The following NOL6 variants were observed in gnomAD, a reference collection of about 807,000 sequenced individuals.
NOL6 encodes nucleolar protein 6.
Under a neutral mutation model 131.7 loss-of-function variants are expected in NOL6, and 33 were observed. The observed-to-expected ratio is 0.25, with a 90% CI of 0.19 to 0.33. The LOEUF (loss-of-function observed/expected upper bound fraction) is 0.33. Ranked by LOEUF, NOL6 falls within the 10% of genes least tolerant of loss-of-function variation. NOL6 has a pLI of 1.00. For synonymous variants in NOL6, 580 were observed against 605.7 expected (o/e 0.96, Z 0.62); for missense variants, 1,297 against 1,494.5 (o/e 0.87, Z 2.18).
At chr9:33,470,302 A>G (rs1827374543) in intron 3 of NOL6, 111 bp from the exon 4 acceptor site, 2 of 964,462 alleles carry the variant, frequency 2.1e-6, no homozygotes, top group East Asian at 3.1e-5. Context: ...CAAACTCCCA[A>G]TCTTCCCATA....
At chr9:33,469,462 C>T in intron 5 of NOL6, 37 bp downstream of exon 5, 1 of 1,592,362 alleles carries the variant, frequency 6.3e-7, no homozygotes, top group Non-Finnish European at 8.6e-7. Flanking sequence ...GATTTACCAT[C>T]CCATGCTATG....
At position 33,467,061 on chromosome 9, in the gene NOL6, G is replaced by A; in HGVS notation, c.1874+53C>T. 1 of 1,613,184 alleles carries A rather than the reference G, an allele frequency of 6.2e-7. No homozygotes were observed. The highest frequency in any genetic ancestry group is 8.5e-7 in the Non-Finnish European group (1 of 1,179,234). ...GCTCAACTGCCTGGGCCAGACCCCT[G>A]AAAAGGCTCCCCAGCCCACACTGCC... On this transcript the variant is annotated intron_variant, in intron 14 of 25. Transcript: ENST00000297990. The surrounding 1 kb of genome is among the most constrained non-coding windows in gnomAD (Gnocchi z 4.4).
chr9:33,469,886 A>C, intron 4 of NOL6, 126 bp downstream of exon 4: 1 of 1,115,012 alleles, frequency 9.0e-7, no homozygotes, highest in Non-Finnish European at 1.3e-6. Flanking sequence ...GATGCCTGCA[A>C]TGGTCTGCTC....
In NOL6 at chr9:33,467,512, T is replaced by C. The variant is rs928614400; in HGVS notation, c.1607A>G (p.Asp536Gly). 26 of 1,613,990 alleles carry C rather than the reference T, an allele frequency of 1.6e-5. No individual in the cohort carries two copies. The highest frequency in any genetic ancestry group is 2.2e-5 in the Non-Finnish European group (26 of 1,179,996). Reference protein sequence around the residue: ...AHSRPPVPEWDISQDPPKHKD... With the variant: ...AHSRPPVPEWGISQDPPKHKD... Reference sequence around the variant, plus strand: ...GTGCTTTGGTGGATCTTGGCTGATGTCCCACTGCAGGATTTCAAAAGGCTG... The same window carrying C: ...GTGCTTTGGTGGATCTTGGCTGATGCCCCACTGCAGGATTTCAAAAGGCTG... The change falls in exon 13 of 26, where the codon GAC becomes GGC. Residue 536 changes from aspartate (D) to glycine (G), a missense_variant. Transcript: ENST00000297990. The surrounding 1 kb of genome is among the most constrained non-coding windows in gnomAD (Gnocchi z 4.4).
chr9:33,466,014 C>A, intron 18 of NOL6, 57 bp downstream of exon 18: 1 of 1,559,002 alleles, frequency 6.4e-7, no homozygotes, highest in Non-Finnish European at 8.7e-7. Flanking sequence ...TCTTCCACGC[C>A]CTGACATCCC....
Position 33,465,651 on chromosome 9 carries a change from C to T in NOL6, c.2528+83G>A, listed in dbSNP as rs1281786580. On this transcript the variant is annotated intron_variant, in intron 19 of 25. Coordinates refer to ENST00000297990, the MANE Select transcript of NOL6 (RefSeq NM_022917.5). ...CCCCTAACTATGATACCATCTGGCC[C>T]CTGGAGAGACAGGTGGCTAGGTGAG... is the stretch of plus-strand genomic sequence containing the variant. 2.1e-6 allele frequency: 3 copies of T among 1,441,366 alleles called. No individual in the cohort carries two copies. The African/African-American group carries it at 4.2e-5, about 20-fold the overall frequency. 89.3% of individuals were successfully genotyped at this position (1,441,366 alleles called of 1,614,324 possible).
At position 33,463,976 on chromosome 9, in the gene NOL6, C is replaced by A. The variant is rs1827170407; in HGVS notation, c.2905-56G>T. 4 of 1,613,184 alleles carry A rather than the reference C, an allele frequency of 2.5e-6. No homozygotes were observed. In the African/African-American group the frequency reaches 5.3e-5, roughly 22 times the overall value. The stretch of plus-strand genomic sequence containing the variant: ...TGAAGTGGGTCTCTCCCAGGTCAGG[C>A]TGGGCCTGCTTTTTCCTTGGGAAGA... On this transcript the variant is annotated intron_variant, in intron 22 of 25. Coordinates refer to ENST00000297990, the MANE Select transcript of NOL6 (RefSeq NM_022917.5).
Position 33,466,386 on chromosome 9 carries a change from A to C in NOL6, c.2131T>G (p.Tyr711Asp), listed in dbSNP as rs775183281. Residue 711 changes from tyrosine to aspartate, a missense_variant, in exon 17 of 26, where the codon TAT becomes GAT. Transcript: ENST00000297990. ...GAGGACCGCTCCCGCAGAGTCTCAT[A>C]GAAGGAGAAGGCTGGACGGACTGGA... is the stretch of plus-strand genomic sequence containing the variant. ...PTPVRPAFSF[Y>D]ETLRERSSLL... 2.7e-5 allele frequency: 44 copies of C among 1,614,090 alleles called. No individual in the cohort carries two copies. Among genetic ancestry groups the C allele is most frequent in the Non-Finnish European group, 3.6e-5 (42 of 1,180,034 alleles).
intron 15 of NOL6, 49 bp downstream of exon 15, chr9:33,466,863 C>G (rs777274766): frequency 1.9e-6 from 3 of 1,593,828 alleles, no homozygotes; most frequent in Admixed American, 1.7e-5. Flanking sequence ...ACTCTCTCCC[C>G]GCAGATTGAT....
At position 33,467,916 on chromosome 9, in the gene NOL6, C is replaced by A; in HGVS notation, c.1425-48G>T. On this transcript the variant is annotated intron_variant, in intron 11 of 25. Coordinates refer to ENST00000297990, the MANE Select transcript of NOL6 (RefSeq NM_022917.5). This position sits in a 1 kb window ranked among gnomAD's most constrained non-coding sequence, Gnocchi z 4.4. ...AGAGGGGTAATCAGGTTGCTGGCCC[C>A]TAGTACCACCTCCTCCCTGAATGAT... 6.3e-7 allele frequency: 1 copy of A among 1,586,568 alleles called. No homozygotes were observed.
chr9:33,462,946 C>CCATA, intron 25 of NOL6, 87 bp downstream of exon 25: 1 of 1,539,870 alleles, frequency 6.5e-7, no homozygotes, highest in Admixed American at 1.8e-5. Flanking sequence ...ACGGGTTTGC[C>CCATA]CATAGGACAG....
At position 33,473,893 on chromosome 9, in the gene NOL6, C is replaced by A; in HGVS notation, c.-51G>T. 1.2e-6 allele frequency: 2 copies of A among 1,601,104 alleles called. No individual in the cohort carries two copies. The highest frequency in any genetic ancestry group is 1.7e-6 in the Non-Finnish European group (2 of 1,175,428). ...ACTTCAGATTCTAGCCGGGTCTATA[C>A]CTCATAGCTTCCCACGTGGGCGGAA... On this transcript the variant is annotated 5_prime_UTR_variant, in exon 1 of 26. Coordinates refer to ENST00000297990, the MANE Select transcript of NOL6 (RefSeq NM_022917.5).
intron 5 of NOL6, 61 bp from the exon 6 acceptor site, chr9:33,469,402 T>C (rs933621675): frequency 2.5e-6 from 4 of 1,610,424 alleles, no homozygotes; most frequent in Non-Finnish European, 3.4e-6. Context: ...GGGCTCCCCA[T>C]CCTGTCCCCC....
Position 33,472,098 on chromosome 9 carries a change from A to G in NOL6, c.284T>C (p.Val95Ala). ...RLQVEELLKEVRLSEKKKDRI... is the reference protein window; with the variant it reads ...RLQVEELLKEARLSEKKKDRI... ...ATCCTTCTTCTTCTCTGACAGCCTT[A>G]CTTCCTTTAGTAGCTCCTCTACCTG... Residue 95 changes from valine (V) to alanine (A), a missense_variant, in exon 3 of 26, where the codon GTA (valine) becomes GCA (alanine). Transcript: ENST00000297990. 1.9e-6 allele frequency: 3 copies of G among 1,614,106 alleles called. No homozygotes were observed.
Position 33,466,712 on chromosome 9 carries a change from G to A in NOL6, c.1951-3C>T, listed in dbSNP as rs201755132. On this transcript the variant is annotated splice_region_variant and splice_polypyrimidine_tract_variant and intron_variant, in intron 15 of 25. Transcript: ENST00000297990. Reference sequence around the variant, plus strand: ...GCCTCCTCACCTGTGCTGGAGGTCTGAGAGGGAGAAGACGGTCAGGAGGCT... The same window carrying A: ...GCCTCCTCACCTGTGCTGGAGGTCTAAGAGGGAGAAGACGGTCAGGAGGCT... 6.9e-4 allele frequency: 1,106 copies of A among 1,613,568 alleles called. 3 individuals are homozygous for A. The highest frequency in any genetic ancestry group is 1.3e-3 in the South Asian group (119 of 91,078).
chr9:33,465,425 C>T (rs552251122), intron 19 of NOL6, 66 bp from the exon 20 acceptor site: 2 of 1,505,508 alleles, frequency 1.3e-6, no homozygotes, highest in Non-Finnish European at 1.8e-6. Context: ...CCAGCCCCTA[C>T]CCAAGGCCAG....
At chr9:33,469,984 C>G in intron 4 of NOL6, 28 bp downstream of exon 4, 1 of 1,526,696 alleles carries the variant, frequency 6.6e-7, no homozygotes, top group South Asian at 1.3e-5. Context: ...AGGTGGTGGG[C>G]CTCTATCCCC....
rs752043329 is a variant in NOL6 at position 33,472,250 on chromosome 9, G to T, written c.217C>A (p.Arg73=). The change falls in exon 2 of 26, where the codon CGG becomes AGG. Residue 73 remains arginine (R), a synonymous_variant. Transcript: ENST00000297990. ...GAGTGGAACAAGATCTCAGTCTCCC[G>T]AAGGCGATTAAGCTCCTCATTGGTA... ...EPTNEELNRL[R]ETEILFHSSL... 1 of 1,614,092 alleles carries T rather than the reference G, an allele frequency of 6.2e-7. No individual in the cohort carries two copies.
chr9:33,469,023 C>T lies in NOL6; in HGVS notation c.961G>A (p.Ala321Thr). The T allele has an allele frequency of 6.2e-7, 1 of 1,614,178 alleles. No individual in the cohort carries two copies. The highest frequency in any genetic ancestry group is 8.5e-7 in the Non-Finnish European group (1 of 1,180,024). ...LQLLSTILSSAQGLKDGVALL... is the reference protein window; with the variant it reads ...LQLLSTILSSTQGLKDGVALL... ...GCCACGCCATCCTTCAGGCCCTGGGCTGAACTCAGAATGGTTGACAGCAGC... is the reference window on the plus strand; with the variant it reads ...GCCACGCCATCCTTCAGGCCCTGGGTTGAACTCAGAATGGTTGACAGCAGC... Residue 321 changes from alanine (A) to threonine (T), a missense_variant, in exon 7 of 26, where the codon GCC becomes ACC. Ala to Thr is a moderately conservative substitution (Grantham distance 58, BLOSUM62 0). Transcript: ENST00000297990.
Sources: allele counts gnomAD v4.1 joint callset, GRCh38; gene constraint gnomAD v4.1.1; non-coding constraint Gnocchi (gnomAD v3.1); transcripts MANE v1.5; gene names NCBI Gene and HGNC (gene_info 2026-07-23, HGNC 2026-07-21).